GALNT10: variants seen among roughly 807,000 people sequenced by gnomAD.
The protein encoded by GALNT10 is GalNAc transferase 10.
Under a neutral mutation model 75.0 loss-of-function variants are expected in GALNT10, and 41 were observed. The ratio of observed to expected loss-of-function variants is 0.55; its 90% CI spans 0.43 to 0.71. The LOEUF (loss-of-function observed/expected upper bound fraction) is 0.71, where lower values mean the gene tolerates loss of function less well. Ranked by LOEUF, GALNT10 falls within the 30% of genes least tolerant of loss-of-function variation. The pLI is 0.00. For synonymous variants in GALNT10, 302 were observed against 313.0 expected, an observed-to-expected ratio of 0.96 and a Z score of 0.37; for missense variants, 727 against 818.5, an observed-to-expected ratio of 0.89 and a Z score of 1.36.
intron 1 of GALNT10, among the ~76,000 whole-genome samples, chr5:154,218,452 G>T (rs961469278): frequency 1.3e-5 from 2 of 152,118 alleles, no homozygotes; most frequent in East Asian, 3.9e-4. Flanking sequence ...CTGGGCCTTG[G>T]TTTCCTCTTC....
At chr5:154,224,941 T>C (rs1160780716) in intron 1 of GALNT10, among the ~76,000 whole-genome samples, 5 of 148,730 alleles carry the variant, frequency 3.4e-5, no homozygotes, top group Middle Eastern at 3.8e-3. Flanking sequence ...CCACCATGCC[T>C]GGCTAATTTT....
chr5:154,351,961 A>G (rs1046049515), intron 4 of GALNT10, among the ~76,000 whole-genome samples: 11 of 152,164 alleles, frequency 7.2e-5, no homozygotes, highest in Non-Finnish European at 2.9e-5. Flanking sequence ...CTGCATTTTA[A>G]CTTTGCAACA....
intron 4 of GALNT10, among the ~76,000 whole-genome samples, chr5:154,370,541 G>A (rs1755548648): frequency 6.6e-6 from 1 of 152,172 alleles, no homozygotes; most frequent in African/African-American, 2.4e-5. Context: ...ACCAATCCAG[G>A]TAGAAGGACG....
At position 154,416,676 on chromosome 5, in the gene GALNT10, C is replaced by A; in HGVS notation, c.1654-138C>A. 1 of 668,408 alleles carries A rather than the reference C, an allele frequency of 1.5e-6. No homozygotes were observed. The highest frequency in any genetic ancestry group is 2.6e-6 in the Non-Finnish European group (1 of 378,148). The allele number at this position is 668,408 out of a possible 1,614,324, so 41.4% of individuals were successfully genotyped here. On this transcript the variant is annotated intron_variant, in intron 11 of 11. Coordinates refer to ENST00000297107, the MANE Select transcript of GALNT10 (RefSeq NM_198321.4). This position sits in a 1 kb window ranked among gnomAD's most constrained non-coding sequence, Gnocchi z 4.5. ...CTGGGCAGCATCCGGCTTGTGAGCT[C>A]AGGAGGAAAACCAACAGGTGTATGA...
chr5:154,357,060 G>A (rs1478608488), intron 4 of GALNT10, among the ~76,000 whole-genome samples: 1 of 152,134 alleles, frequency 6.6e-6, no homozygotes, highest in Non-Finnish European at 1.5e-5. Context: ...TATGTTTATA[G>A]AAGAGGCCAC....
chr5:154,264,049 A>T (rs879379794), intron 1 of GALNT10, among the ~76,000 whole-genome samples: 1 of 152,210 alleles, frequency 6.6e-6, no homozygotes, highest in African/African-American at 2.4e-5. Flanking sequence ...GTGATGGCTT[A>T]TACCTGTAAT....
intron 3 of GALNT10, among the ~76,000 whole-genome samples, chr5:154,325,278 A>G (rs1289793330): frequency 6.6e-6 from 1 of 152,170 alleles, no homozygotes; most frequent in African/African-American, 2.4e-5. Flanking sequence ...CTTTTCTGTA[A>G]TCATACTCTT....
chr5:154,249,070 C>T (rs1753475591), intron 1 of GALNT10, among the ~76,000 whole-genome samples: 1 of 152,254 alleles, frequency 6.6e-6, no homozygotes, highest in East Asian at 1.9e-4. Flanking sequence ...AATCCAGCTT[C>T]TAGTTTAGTC....
intron 3 of GALNT10, among the ~76,000 whole-genome samples, chr5:154,310,433 T>G (rs1352876464): frequency 3.7e-5 from 2 of 53,722 alleles, no homozygotes; most frequent in African/African-American, 1.6e-4. Context: ...CATCACTGGG[T>G]TTTTTTTGTT....
chr5:154,217,906 G>A (rs1752908433), intron 1 of GALNT10: 1 of 613,658 alleles, frequency 1.6e-6, no homozygotes, highest in African/African-American at 2.0e-5. Flanking sequence ...AGAGACTGTT[G>A]TACTTTCTAT....
At chr5:154,371,599 G>T (rs1037865584) in intron 4 of GALNT10, among the ~76,000 whole-genome samples, 3 of 127,590 alleles carry the variant, frequency 2.4e-5, no homozygotes, top group Non-Finnish European at 1.8e-5. Context: ...CACACACTCA[G>T]GGCAGCATGT....
intron 4 of GALNT10, among the ~76,000 whole-genome samples, chr5:154,371,537 AGTGTGT>A (rs757305979): frequency 0.061 from 4,354 of 70,812 alleles, 193 homozygotes; most frequent in African/African-American, 0.14. Flanking sequence ...GACACACCAC[AGTGTGT>A]GTGTGTGTGT....
At chr5:154,391,059 G>A (rs1018266278) in intron 7 of GALNT10, among the ~76,000 whole-genome samples, 1 of 152,206 alleles carries the variant, frequency 6.6e-6, no homozygotes, top group African/African-American at 2.4e-5. Context: ...GCTTGGAAAA[G>A]GAGAGTTTCT....
At chr5:154,388,936 G>GAGGGAGAGAGGGAGGGGGAA (rs1755850215) in intron 7 of GALNT10, 1 of 150,518 alleles carries the variant, frequency 6.6e-6, no homozygotes, top group Admixed American at 6.6e-5. Flanking sequence ...AAGGAGTGGG[G>GAGGGAGAGAGGGAGGGGGAA]AGGGAGAGAG....
At chr5:154,211,975 C>G (rs879722477) in intron 1 of GALNT10, among the ~76,000 whole-genome samples, 6 of 151,954 alleles carry the variant, frequency 3.9e-5, no homozygotes, top group Non-Finnish European at 5.9e-5. Flanking sequence ...GAAGTTCAGC[C>G]TATGTGCAAA....
intron 3 of GALNT10, among the ~76,000 whole-genome samples, chr5:154,323,017 G>T (rs1183158249): frequency 6.6e-6 from 1 of 152,218 alleles, no homozygotes; most frequent in African/African-American, 2.4e-5. Flanking sequence ...TTCTAGGGAA[G>T]AAGACAGACA....
chr5:154,331,156 G>A (rs980387792), intron 4 of GALNT10, among the ~76,000 whole-genome samples: 8 of 151,994 alleles, frequency 5.3e-5, no homozygotes, highest in Admixed American at 1.3e-4. Flanking sequence ...TACCACATTG[G>A]TCCTGTTCAC....
At chr5:154,193,408 G>GA (rs1774891306) in intron 1 of GALNT10, among the ~76,000 whole-genome samples, 1 of 152,206 alleles carries the variant, frequency 6.6e-6, no homozygotes, top group African/African-American at 2.4e-5. Flanking sequence ...TGGCCTTGAG[G>GA]AAAGAGGCTG....
Position 154,294,914 on chromosome 5 carries a change from C to T in GALNT10, c.258C>T (p.Arg86=), listed in dbSNP as rs559479869. 6.1e-5 allele frequency: 92 copies of T among 1,518,186 alleles called. 1 individual carries two copies. In the South Asian group the frequency reaches 9.0e-4, roughly 15 times the overall value. The allele number at this position is 1,518,186 out of a possible 1,614,324, so 94.0% of individuals were successfully genotyped here. Residue 86 remains arginine, a synonymous_variant, in exon 2 of 12, where the codon CGC becomes CGT. Coordinates refer to ENST00000297107, the MANE Select transcript of GALNT10 (RefSeq NM_198321.4). ...AGGCCATCCGGAGGGACGCTCAGCG[C>T]GTAGGTACGGAGGGCAGGATTGGCC... ...DKEAIRRDAQ[R]VGNGEQGRPY...
Sources: allele counts gnomAD v4.1 joint callset (sites outside exome capture counted in the v4.1 genomes callset), GRCh38; gene constraint gnomAD v4.1.1; non-coding constraint Gnocchi (gnomAD v3.1); transcripts MANE v1.5; gene names NCBI Gene and HGNC (gene_info 2026-07-23, HGNC 2026-07-21).